SMG1: variants seen among roughly 807,000 people sequenced by gnomAD.
SMG1 encodes the protein SMG1 nonsense mediated mRNA decay associated PI3K related kinase, also known as serine/threonine-protein kinase SMG1.
A neutral mutation model predicts 419.9 loss-of-function variants in SMG1; 22 were observed. That is an observed-to-expected ratio of 0.05 (90% confidence interval 0.04 to 0.07). The LOEUF (loss-of-function observed/expected upper bound fraction) is 0.07. SMG1 is among the 10% of genes least tolerant of loss of function. The pLI is 1.00. For missense variants in SMG1, 3,185 were observed against 4,342.0 expected (o/e 0.73, Z 7.49); for synonymous variants, 1,538 against 1,553.5 (o/e 0.99, Z 0.23).
rs1237246819 is a variant in SMG1 at position 18,859,460 on chromosome 16, G to A, written c.3953+96C>T. 4 of 637,064 alleles carry A rather than the reference G, an allele frequency of 6.3e-6. No homozygotes were observed. In the East Asian group the frequency reaches 1.1e-4, roughly 17 times the overall value. The allele number at this position is 637,064 out of a possible 1,614,324, so 39.5% of individuals were successfully genotyped here. A position where few individuals can be genotyped will look rare whatever the true frequency, so the allele number is the denominator to read the frequency against. ...ATGAAGCTATTAGCACTAGTATTTA[G>A]TAATCTAGTAACTCTCCTTCCAGCC... is the stretch of plus-strand genomic sequence containing the variant. On this transcript the variant is annotated intron_variant, in intron 27 of 62. Transcript: ENST00000446231.
chr16:18,871,472 T>G lies in SMG1; in HGVS notation c.2194A>C (p.Met732Leu), dbSNP rs1179324336. 12 of 1,578,134 alleles carry G rather than the reference T, an allele frequency of 7.6e-6. No individual in the cohort carries two copies. The highest frequency in any genetic ancestry group is 8.6e-6 in the Non-Finnish European group (10 of 1,165,582). ...ACAGCTGCTTCCAAAGCCCAAGTCA[T>G]TAACAGTTTCCTGAAACACAAAATA... The part of the protein sequence containing the change: ...NLNQDTRKLL[M>L]TWALEAAVLM... The change falls in exon 16 of 63, where the codon ATG (methionine) becomes CTG (leucine). Residue 732 changes from methionine to leucine, a missense_variant. Around this residue, in one of 27 missense-constraint regions of SMG1, gnomAD observed 297 missense variants for 491.0 expected, o/e 0.60. Transcript: ENST00000446231.
At chr16:18,861,027 C>T (rs2035189455) in intron 25 of SMG1, 1 of 382,180 alleles carries the variant, frequency 2.6e-6, no homozygotes. Context: ...GCTGACTCGC[C>T]CCTGTGTCTC....
intron 1 of SMG1, among the ~76,000 whole-genome samples, chr16:18,907,602 C>A (rs1158841945): frequency 2.0e-5 from 3 of 152,092 alleles, no homozygotes; most frequent in Non-Finnish European, 4.4e-5. Context: ...ATAATCCCAG[C>A]ACTTTGGGAG....
chr16:18,924,183 C>T (rs539743458), intron 1 of SMG1, among the ~76,000 whole-genome samples: 17 of 152,286 alleles, frequency 1.1e-4, no homozygotes, highest in African/African-American at 3.8e-4. Context: ...CGCCCCTCCC[C>T]AGAGCCAAGA....
intron 38 of SMG1, 77 bp from the exon 39 acceptor site, chr16:18,845,728 T>A: frequency 9.4e-7 from 1 of 1,061,706 alleles, no homozygotes; most frequent in Non-Finnish European, 1.4e-6. Context: ...ACAATTTCAA[T>A]ATATCAATTG....
Position 18,832,989 on chromosome 16 carries a change from C to T in SMG1, c.8743G>A (p.Ala2915Thr). The change falls in exon 51 of 63, where the codon GCT becomes ACT. Residue 2915 changes from alanine (A) to threonine (T), a missense_variant. Around this residue, in one of 27 missense-constraint regions of SMG1, gnomAD observed 737 missense variants for 846.6 expected, o/e 0.87. Coordinates refer to ENST00000446231, the MANE Select transcript of SMG1 (RefSeq NM_015092.5). The part of the protein sequence containing the change: ...ESLQAYLRNA[A>T]MGLEEETHAH... The stretch of plus-strand genomic sequence containing the variant: ...TGTGTTTCTTCTTCCAGTCCCATAG[C>T]TGCGTTTCTTAAGTAGGCCTGAAGA... 6.2e-7 allele frequency: 1 copy of T among 1,613,978 alleles called. No homozygotes were observed. The highest frequency in any genetic ancestry group is 8.5e-7 in the Non-Finnish European group (1 of 1,179,890).
At position 18,836,539 on chromosome 16, in the gene SMG1, A is replaced by AG. The variant is rs775777894; in HGVS notation, c.7605-8dup. The AG allele has an allele frequency of 6.2e-7, 1 of 1,610,330 alleles. No homozygotes were observed. Among genetic ancestry groups the AG allele is most frequent in the Admixed American group, 1.7e-5 (1 of 58,868 alleles). ...TTGGGTGTGCTCAGAATACCTAATC[A>AG]GGGGGACACAAACAAAATCAAAAGA... On this transcript the variant is annotated splice_polypyrimidine_tract_variant and splice_region_variant and intron_variant, in intron 46 of 62. Transcript: ENST00000446231.
In SMG1 at chr16:18,817,401, G is replaced by A. The variant is rs56185633; in HGVS notation, c.9964C>T (p.Leu3322=). ...ATTAGTTCAAATAACGCCGCATCCA[G>A]GTTTAAGGCTTCTGCAGTTCTTGTT... ...LRTRTAEALN[L]DAALFELIKR... Residue 3322 remains leucine, a synonymous_variant, in exon 57 of 63, where the codon CTG becomes TTG. Coordinates refer to ENST00000446231, the MANE Select transcript of SMG1 (RefSeq NM_015092.5). The A allele has an allele frequency of 1.6e-5, 26 of 1,606,032 alleles. No individual in the cohort carries two copies. In the East Asian group the frequency reaches 3.6e-4, roughly 22 times the overall value.
chr16:18,817,332 T>A lies in SMG1; in HGVS notation c.10033A>T (p.Ser3345Cys). ...CGAAGCTCTAACTCAGACACTGAAC[T>A]GTTAAACTGTGATGCAAACGAACAC... ...QMCSFASQFN[S>C]SVSELELRLL... Residue 3345 changes from serine (S) to cysteine (C), a missense_variant, in exon 57 of 63, where the codon AGT becomes TGT. Physicochemically the swap from Ser to Cys is moderately radical, Grantham distance 112. Around this residue, in one of 27 missense-constraint regions of SMG1, gnomAD observed 737 missense variants for 846.6 expected, o/e 0.87. Coordinates refer to ENST00000446231, the MANE Select transcript of SMG1 (RefSeq NM_015092.5). The A allele has an allele frequency of 6.2e-7, 1 of 1,612,590 alleles. No homozygotes were observed. Among genetic ancestry groups the A allele is most frequent in the Non-Finnish European group, 8.5e-7 (1 of 1,179,366 alleles).
chr16:18,901,954 A>AAGG (rs1555505013), intron 1 of SMG1, among the ~76,000 whole-genome samples: 1 of 21,526 alleles, frequency 4.6e-5, no homozygotes, highest in Non-Finnish European at 9.1e-5. Context: ...AAAAAAAAAA[A>AAGG]GGGGGGGGTG....
In SMG1 at chr16:18,808,497, C is replaced by T. The variant is rs1374964934; in HGVS notation, c.*1072G>A. ...CAACAATGTAAAACTCTAATAGATA[C>T]TCTATCTTGGTTTTTAAAAAGGTAA... is the stretch of plus-strand genomic sequence containing the variant. On this transcript the variant is annotated 3_prime_UTR_variant, in exon 63 of 63. Transcript: ENST00000446231. 1 of 152,076 alleles carries T rather than the reference C, an allele frequency of 6.6e-6. No individual in the cohort carries two copies. The highest frequency in any genetic ancestry group is 2.4e-5 in the African/African-American group (1 of 41,380). 9.4% of individuals were successfully genotyped at this position (152,076 alleles called of 1,614,324 possible).
intron 41 of SMG1, among the ~76,000 whole-genome samples, chr16:18,840,787 A>T (rs2033871908): frequency 1.3e-5 from 2 of 152,248 alleles, no homozygotes; most frequent in Non-Finnish European, 2.9e-5. Flanking sequence ...AAATCCAATA[A>T]AAACACTAAG....
intron 25 of SMG1, 136 bp from the exon 26 acceptor site, chr16:18,860,912 G>A (rs1162047726): frequency 9.9e-6 from 5 of 503,372 alleles, no homozygotes; most frequent in Non-Finnish European, 1.7e-5. Context: ...CCTTCCACGA[G>A]GATGCCATTA....
At position 18,833,096 on chromosome 16, in the gene SMG1, G is replaced by A. The variant is rs777297585; in HGVS notation, c.8636C>T (p.Thr2879Met). ...ALRCLMKGEY[T>M]LESMLHELDG... Reference sequence around the variant, plus strand: ...CAGTTCATGCAGCATACTTTCTAACGTGTATTCCCCTTTCATTAAACATCG... The same window carrying A: ...CAGTTCATGCAGCATACTTTCTAACATGTATTCCCCTTTCATTAAACATCG... Residue 2879 changes from threonine (T) to methionine (M), a missense_variant, in exon 51 of 63, where the codon ACG (threonine) becomes ATG (methionine). Around this residue, in one of 27 missense-constraint regions of SMG1, gnomAD observed 412 missense variants for 546.6 expected, o/e 0.75. Transcript: ENST00000446231. The A allele has an allele frequency of 5.0e-6, 8 of 1,613,928 alleles. No individual in the cohort carries two copies. Among genetic ancestry groups the A allele is most frequent in the South Asian group, 1.1e-5 (1 of 91,080 alleles).
chr16:18,863,937 T>C lies in SMG1; in HGVS notation c.3493+65A>G, dbSNP rs1463995457. ...AGCACAGAAACCTAAAAACATAAAA[T>C]AAGATCATCAGTACGAAATATATTA... On this transcript the variant is annotated intron_variant, in intron 24 of 62. Transcript: ENST00000446231. 92 of 1,561,724 alleles carry C rather than the reference T, an allele frequency of 5.9e-5. No individual in the cohort carries two copies. The Middle Eastern group carries it at 1.1e-3, about 19-fold the overall frequency.
rs748043877 is a variant in SMG1 at position 18,808,479 on chromosome 16, G to GT, written c.*1089dup. On this transcript the variant is annotated 3_prime_UTR_variant, in exon 63 of 63. Coordinates refer to ENST00000446231, the MANE Select transcript of SMG1 (RefSeq NM_015092.5). ...TTATTGTTAATCTATCATCAACAAT[G>GT]TAAAACTCTAATAGATACTCTATCT... The GT allele has an allele frequency of 6.6e-6, 1 of 152,130 alleles. No individual in the cohort carries two copies. Among genetic ancestry groups the GT allele is most frequent in the Non-Finnish European group, 1.5e-5 (1 of 68,028 alleles). 9.4% of individuals were successfully genotyped at this position (152,130 alleles called of 1,614,324 possible). A position where few individuals can be genotyped will look rare whatever the true frequency, so the allele number is the denominator to read the frequency against.
In SMG1 at chr16:18,874,029, A is replaced by C. The variant is rs2035970670; in HGVS notation, c.1891-1405T>G. ...ATAAGCGAAGCAGCTATGGAATTAT[A>C]CAAGGCAATCCAATCAAACAACCCA... On this transcript the variant is annotated intron_variant, in intron 13 of 62. Coordinates refer to ENST00000446231, the MANE Select transcript of SMG1 (RefSeq NM_015092.5). Among the ~76,000 whole-genome samples, 3 of 152,258 alleles carry C rather than the reference A, an allele frequency of 2.0e-5. No homozygotes were observed. In the South Asian group the frequency reaches 6.2e-4, roughly 31 times the overall value.
At position 18,847,603 on chromosome 16, in the gene SMG1, T is replaced by C; in HGVS notation, c.5846A>G (p.Gln1949Arg). 6.2e-7 allele frequency: 1 copy of C among 1,614,016 alleles called. No homozygotes were observed. ...CCTGCGCAGTTCAGCCACGAGCATC[T>C]GAACCTGCATACACAGCACACCCAA... Reference protein sequence around the residue: ...SANPTMVLQVQMLVAELRRVT... With the variant: ...SANPTMVLQVRMLVAELRRVT... The change falls in exon 38 of 63, where the codon CAG becomes CGG. Residue 1949 changes from glutamine to arginine, a missense_variant. Coordinates refer to ENST00000446231, the MANE Select transcript of SMG1 (RefSeq NM_015092.5).
At position 18,896,976 on chromosome 16, in the gene SMG1, T is replaced by A. The variant is rs764775621; in HGVS notation, c.93-20A>T. 1.1e-5 allele frequency: 16 copies of A among 1,479,114 alleles called. No individual in the cohort carries two copies. In the South Asian group the frequency reaches 2.0e-4, roughly 19 times the overall value. 91.6% of individuals were successfully genotyped at this position (1,479,114 alleles called of 1,614,324 possible). A position where few individuals can be genotyped will look rare whatever the true frequency, so the allele number is the denominator to read the frequency against. ...TCAGTTCTATAAAAAGAGAAAAGTT[T>A]AAGATTAGAACTTTAAATAACATAA... On this transcript the variant is annotated intron_variant, in intron 1 of 62. Transcript: ENST00000446231.
Sources: allele counts gnomAD v4.1 joint callset (sites outside exome capture counted in the v4.1 genomes callset), GRCh38; gene constraint gnomAD v4.1.1; regional missense constraint gnomAD v4.1.1; transcripts MANE v1.5; gene names NCBI Gene and HGNC (gene_info 2026-07-23, HGNC 2026-07-21).